The following ARHGEF7 variants were observed in gnomAD, a reference collection of about 807,000 sequenced individuals.
ARHGEF7 encodes PAK-interacting exchange factor beta.
Under a neutral mutation model 109.8 loss-of-function variants are expected in ARHGEF7, and 33 were observed. The ratio of observed to expected loss-of-function variants is 0.30; its 90% confidence interval spans 0.23 to 0.40. The LOEUF (loss-of-function observed/expected upper bound fraction) is 0.40, where lower values mean the gene tolerates loss of function less well. ARHGEF7 is among the 10% of genes least tolerant of loss of function. The pLI is 1.00. For missense variants in ARHGEF7, 938 were observed against 1,098.5 expected, an observed-to-expected ratio of 0.85 and a Z score of 2.07; for synonymous variants, 458 against 424.6, an observed-to-expected ratio of 1.08 and a Z score of -0.97.
chr13:111,189,855 T>G (rs1277196369), intron 2 of ARHGEF7, among the ~76,000 whole-genome samples: 1 of 152,184 alleles, frequency 6.6e-6, no homozygotes, highest in African/African-American at 2.4e-5. Flanking sequence ...ACAGAGTGCT[T>G]ATTGGTGTGT....
intron 17 of ARHGEF7, 76 bp from the exon 18 acceptor site, chr13:111,288,278 C>A: frequency 1.2e-6 from 1 of 843,754 alleles, no homozygotes; most frequent in South Asian, 2.0e-5. Context: ...GAGTTGATGT[C>A]TGCATTGCAT....
chr13:111,209,471 A>T (rs1347632257), intron 3 of ARHGEF7: 1 of 156,924 alleles, frequency 6.4e-6, no homozygotes, highest in African/African-American at 2.4e-5. Context: ...TTATTGCATG[A>T]CACATCGTCC....
At chr13:111,299,908 T>G (rs971799242) in intron 19 of ARHGEF7, among the ~76,000 whole-genome samples, 3 of 152,196 alleles carry the variant, frequency 2.0e-5, no homozygotes, top group African/African-American at 7.2e-5. Context: ...TGTGATAGAT[T>G]ATAGCCTTCT....
At chr13:111,246,897 G>C (rs2088948792) in intron 8 of ARHGEF7, among the ~76,000 whole-genome samples, 1 of 152,178 alleles carries the variant, frequency 6.6e-6, no homozygotes, top group African/African-American at 2.4e-5. Context: ...TATCAGCCCT[G>C]CGAATTATTA....
chr13:111,163,487 C>T (rs998822511), intron 2 of ARHGEF7, among the ~76,000 whole-genome samples: 4 of 151,958 alleles, frequency 2.6e-5, no homozygotes, highest in African/African-American at 9.7e-5. Context: ...GCCACAGATG[C>T]GATTTTAAGT....
At chr13:111,248,744 C>G (rs2089311131) in intron 8 of ARHGEF7, among the ~76,000 whole-genome samples, 2 of 152,184 alleles carry the variant, frequency 1.3e-5, no homozygotes, top group African/African-American at 2.4e-5. Flanking sequence ...TGTTCATTCA[C>G]TACAAGAATA....
chr13:111,261,266 A>C (rs1293702586), intron 8 of ARHGEF7, among the ~76,000 whole-genome samples: 1 of 152,214 alleles, frequency 6.6e-6, no homozygotes, highest in African/African-American at 2.4e-5. Context: ...CTGGAAATAA[A>C]GGAATGGAAA....
chr13:111,173,347 T>C (rs1490023256), intron 2 of ARHGEF7, among the ~76,000 whole-genome samples: 6 of 152,200 alleles, frequency 3.9e-5, no homozygotes, highest in Non-Finnish European at 7.3e-5. Flanking sequence ...TTTTAAAGTC[T>C]TCCAGTCACT....
intron 1 of ARHGEF7, among the ~76,000 whole-genome samples, chr13:111,130,155 CAGAA>C (rs1566600291): frequency 1.3e-5 from 2 of 152,120 alleles, no homozygotes; most frequent in Non-Finnish European, 2.9e-5. Flanking sequence ...TTTCTAGTGA[CAGAA>C]AGTAAATCAG....
At position 111,115,432 on chromosome 13, in the gene ARHGEF7, C is replaced by A; in HGVS notation, c.-95C>A. 8.6e-6 allele frequency: 8 copies of A among 933,428 alleles called. No homozygotes were observed. The highest frequency in any genetic ancestry group is 1.0e-5 in the Non-Finnish European group (8 of 785,474). 57.8% of individuals were successfully genotyped at this position (933,428 alleles called of 1,614,324 possible). A position where few individuals can be genotyped will look rare whatever the true frequency, so the allele number is the denominator to read the frequency against. Reference sequence around the variant, plus strand: ...TCGCCGGCGCCGGCCGCTCGATGGGCGAGGCGGCGGCGGCGGCGGCGGGGG... The same window carrying A: ...TCGCCGGCGCCGGCCGCTCGATGGGAGAGGCGGCGGCGGCGGCGGCGGGGG... On this transcript the variant is annotated 5_prime_UTR_variant, in exon 1 of 22. Coordinates refer to ENST00000646102, the MANE Select transcript of ARHGEF7 (RefSeq NM_001354046.2).
chr13:111,164,157 CTGTTT>C (rs2076950581), intron 2 of ARHGEF7, among the ~76,000 whole-genome samples: 1 of 152,192 alleles, frequency 6.6e-6, no homozygotes, highest in South Asian at 2.1e-4. Context: ...TTTCCTTGTA[CTGTTT>C]TGTTGAAACC....
chr13:111,184,507 C>G (rs544647056), intron 2 of ARHGEF7, among the ~76,000 whole-genome samples: 14 of 152,232 alleles, frequency 9.2e-5, no homozygotes, highest in African/African-American at 3.1e-4. Flanking sequence ...AAAAGAAAAC[C>G]CAGAGAACCC....
At chr13:111,292,379 G>T in intron 19 of ARHGEF7, 85 bp downstream of exon 19, 1 of 1,573,632 alleles carries the variant, frequency 6.4e-7, no homozygotes, top group African/African-American at 1.4e-5. Context: ...ATCGCAGCCT[G>T]CTTTTCTTAG....
intron 19 of ARHGEF7, among the ~76,000 whole-genome samples, chr13:111,298,825 G>A (rs549486527): frequency 2.0e-5 from 3 of 152,322 alleles, no homozygotes; most frequent in South Asian, 2.1e-4. Context: ...AACAGCATGA[G>A]GGGGAGGGAG....
At position 111,173,124 on chromosome 13, in the gene ARHGEF7, A is replaced by C. The variant is rs184842832; in HGVS notation, c.252+19133A>C. On this transcript the variant is annotated intron_variant, in intron 2 of 21. Transcript: ENST00000646102. ...TTTTTAATGCCATTTGCTCACTCTC[A>C]ACCCACACCTTTTTTCTTTTCACAG... Among the ~76,000 whole-genome samples the C allele has an allele frequency of 6.2e-4, 95 of 152,210 alleles. No homozygotes were observed. In the East Asian group the frequency reaches 0.018, roughly 28 times the overall value.
At chr13:111,132,545 A>G (rs2074809762) in intron 1 of ARHGEF7, among the ~76,000 whole-genome samples, 2 of 152,152 alleles carry the variant, frequency 1.3e-5, no homozygotes, top group Non-Finnish European at 2.9e-5. Flanking sequence ...GTTGAGGACT[A>G]TTGTTGTGAG....
intron 3 of ARHGEF7, among the ~76,000 whole-genome samples, chr13:111,208,991 G>A (rs1293856213): frequency 2.0e-5 from 3 of 152,272 alleles, no homozygotes; most frequent in African/African-American, 7.2e-5. Context: ...GGTTTTTGGT[G>A]ATACCTTCAG....
At chr13:111,178,083 G>C (rs2078344920) in intron 2 of ARHGEF7, among the ~76,000 whole-genome samples, 1 of 152,146 alleles carries the variant, frequency 6.6e-6, no homozygotes, top group South Asian at 2.1e-4. Flanking sequence ...AGTAAAGCAG[G>C]GTTCTTTGAT....
At chr13:111,269,711 G>A (rs1214535465) in intron 9 of ARHGEF7, among the ~76,000 whole-genome samples, 1 of 152,122 alleles carries the variant, frequency 6.6e-6, no homozygotes, top group African/African-American at 2.4e-5. Context: ...GAGCCAGCAG[G>A]TGCCGCCACT....
Sources: allele counts gnomAD v4.1 joint callset (sites outside exome capture counted in the v4.1 genomes callset), GRCh38; gene constraint gnomAD v4.1.1; transcripts MANE v1.5; gene names NCBI Gene and HGNC (gene_info 2026-07-23, HGNC 2026-07-21).